CSAD: variants seen among roughly 807,000 people sequenced by gnomAD.
CSAD encodes P-selectin cytoplasmic tail-associated protein.
A neutral mutation model predicts 61.5 loss-of-function variants in CSAD; 47 were observed. The ratio of observed to expected loss-of-function variants is 0.76; its 90% confidence interval spans 0.60 to 0.97. The LOEUF (loss-of-function observed/expected upper bound fraction) is 0.97. Ranked by LOEUF, CSAD falls within the 50% of genes least tolerant of loss-of-function variation. The pLI is 0.00. For missense variants in CSAD, 611 were observed against 643.6 expected, an observed-to-expected ratio of 0.95 and a Z score of 0.55; for synonymous variants, 245 against 252.7, an observed-to-expected ratio of 0.97 and a Z score of 0.29.
intron 13 of CSAD, 40 bp downstream of exon 13, chr12:53,160,723 G>C: frequency 6.7e-7 from 1 of 1,500,092 alleles, no homozygotes. Context: ...CAGAGCTCCA[G>C]AGAGAGGTGG....
Position 53,180,496 on chromosome 12 carries a change from C to T in CSAD, c.-91+236G>A, listed in dbSNP as rs1941500962. 47 of 1,236,982 alleles carry T rather than the reference C, an allele frequency of 3.8e-5. 1 individual carries two copies. In the South Asian group the frequency reaches 5.6e-4, roughly 15 times the overall value. 76.6% of individuals were successfully genotyped at this position (1,236,982 alleles called of 1,614,324 possible). On this transcript the variant is annotated intron_variant, in intron 1 of 16. Transcript: ENST00000444623. Reference sequence around the variant, plus strand: ...TCTCGATGGCGGCCGGGGCGCGCCCCGGCCACGGCGCACGCGCCGGCCTCA... The same window carrying T: ...TCTCGATGGCGGCCGGGGCGCGCCCTGGCCACGGCGCACGCGCCGGCCTCA...
chr12:53,160,371 C>A lies in CSAD; in HGVS notation c.967-52G>T, dbSNP rs1237515320. 7 of 1,564,410 alleles carry A rather than the reference C, an allele frequency of 4.5e-6. No homozygotes were observed. In the South Asian group the frequency reaches 7.8e-5, roughly 17 times the overall value. ...ACCCTACCCTCTCCACCGAGGCTTT[C>A]CTCCAGGGCTGCACTGTGGGGGTCT... On this transcript the variant is annotated intron_variant, in intron 13 of 16. Transcript: ENST00000444623.
At chr12:53,180,544 G>T in intron 1 of CSAD, 188 bp downstream of exon 1, 1 of 1,278,374 alleles carries the variant, frequency 7.8e-7, no homozygotes, top group Non-Finnish European at 1.0e-6. Flanking sequence ...CCATGCCCTC[G>T]GCGCACGGCG....
intron 10 of CSAD, chr12:53,164,239 A>G (rs1230665912): frequency 1.3e-5 from 2 of 155,400 alleles, no homozygotes; most frequent in Middle Eastern, 5.2e-4. Flanking sequence ...GAAAAAACAG[A>G]TAAATTGGAC....
chr12:53,163,213 C>A (rs1233446581), intron 10 of CSAD, among the ~76,000 whole-genome samples: 1 of 152,074 alleles, frequency 6.6e-6, no homozygotes, highest in Non-Finnish European at 1.5e-5. Flanking sequence ...ACAGCCTGGT[C>A]AACAGAGTGA....
chr12:53,180,116 C>T (rs1316509850), intron 1 of CSAD: 1 of 1,323,680 alleles, frequency 7.6e-7, no homozygotes, highest in East Asian at 3.2e-5. Flanking sequence ...AGCAGTGTGG[C>T]CAAGGGCTAC....
chr12:53,159,905 C>T lies in CSAD; in HGVS notation c.1200G>A (p.Gly400=), dbSNP rs777774766. The T allele has an allele frequency of 9.4e-6, 15 of 1,603,040 alleles. No individual in the cohort carries two copies. In the Admixed American group the frequency reaches 2.6e-4, roughly 27 times the overall value. The change falls in exon 15 of 17, where the codon GGG becomes GGA. Residue 400 remains glycine (G), a synonymous_variant. Coordinates refer to ENST00000444623, the MANE Select transcript of CSAD (RefSeq NM_001244705.2). ...YLVEEMKKRE[G]FELVMEPEFV... is the part of the protein sequence containing the mutation. ...GTCCTACCTCCATGACTAGCTCAAA[C>T]CCTTCCCGCTTCTTCATTTCCTCCA...
chr12:53,180,104 T>C (rs1941450876), intron 1 of CSAD: 3 of 1,354,914 alleles, frequency 2.2e-6, no homozygotes, highest in Non-Finnish European at 2.8e-6. Flanking sequence ...TGCAGGGAGG[T>C]GAGCAGTGTG....
At chr12:53,172,324 A>T (rs1457215590) in intron 6 of CSAD, 22 bp downstream of exon 6, 1 of 1,603,912 alleles carries the variant, frequency 6.2e-7, no homozygotes, top group African/African-American at 1.3e-5. Context: ...GTGGGATGGT[A>T]GAGGGGCCTT....
At chr12:53,159,856 GC>G in intron 15 of CSAD, 30 bp downstream of exon 15, 2 of 1,573,748 alleles carry the variant, frequency 1.3e-6, no homozygotes, top group Non-Finnish European at 1.7e-6. Context: ...CTAGGCTGGG[GC>G]AGGGGCCACA....
intron 1 of CSAD, chr12:53,179,891 C>A: frequency 6.2e-7 from 1 of 1,610,852 alleles, no homozygotes; most frequent in Non-Finnish European, 8.5e-7. Context: ...AATTTGAAGA[C>A]AGTCTGGTTT....
intron 2 of CSAD, among the ~76,000 whole-genome samples, chr12:53,177,257 T>A (rs560190610): frequency 1.1e-4 from 16 of 152,202 alleles, no homozygotes; most frequent in Non-Finnish European, 1.8e-4. Flanking sequence ...AAAATCTTAG[T>A]TTTAATAGTA....
chr12:53,165,118 T>C (rs1020250741), intron 10 of CSAD, among the ~76,000 whole-genome samples: 1 of 152,100 alleles, frequency 6.6e-6, no homozygotes, highest in Admixed American at 6.5e-5. Flanking sequence ...CTAGGAGTTT[T>C]GAGACCAGCC....
rs994671096 is a variant in CSAD, at chr12:53,160,132, A to G, written c.1154T>C (p.Phe385Ser). The G allele has an allele frequency of 6.2e-7, 1 of 1,613,406 alleles. No homozygotes were observed. The highest frequency in any genetic ancestry group is 8.5e-7 in the Non-Finnish European group (1 of 1,180,010). Residue 385 changes from phenylalanine to serine, a missense_variant, in exon 14 of 17, where the codon TTT (phenylalanine) becomes TCT (serine). Phe to Ser is a radical substitution (Grantham distance 155, BLOSUM62 -2). Coordinates refer to ENST00000444623, the MANE Select transcript of CSAD (RefSeq NM_001244705.2). The part of the protein sequence containing the change: ...QGLERRIDQA[F>S]VLARYLVEEM... ...TCCTCCCGCCTACCGGGCAAGGACAAAGGCCTGGTCGATGCGCCGCTCCAG... is the reference window on the plus strand; with the variant it reads ...TCCTCCCGCCTACCGGGCAAGGACAGAGGCCTGGTCGATGCGCCGCTCCAG...
chr12:53,171,924 C>A lies in CSAD; in HGVS notation c.409G>T (p.Ala137Ser). The A allele has an allele frequency of 1.9e-6, 3 of 1,614,052 alleles. No homozygotes were observed. The highest frequency in any genetic ancestry group is 2.5e-6 in the Non-Finnish European group (3 of 1,179,956). The change falls in exon 7 of 17, where the codon GCC becomes TCC. Residue 137 changes from alanine (A) to serine (S), a missense_variant. Physicochemically the swap from Ala to Ser is moderately conservative, Grantham distance 99. Transcript: ENST00000444623. Reference protein sequence around the residue: ...MEEEVLRKLRALVGWSSGDGI... With the variant: ...MEEEVLRKLRSLVGWSSGDGI... ...TCCCCAGAGCTCCAGCCCACCAGGG[C>A]CCGCAGTTTCCTCAGCACCTCCTCT...
At chr12:53,159,790 C>A (rs1483133172) in intron 15 of CSAD, 78 bp from the exon 16 acceptor site, 4 of 1,527,834 alleles carry the variant, frequency 2.6e-6, no homozygotes, top group Non-Finnish European at 3.6e-6. Flanking sequence ...TTTCCCCTCT[C>A]CCTGCCCTTT....
At chr12:53,180,730 G>A, upstream of CSAD, 1 of 1,264,726 alleles carries the variant, frequency 7.9e-7, no homozygotes, top group African/African-American at 1.6e-5. Flanking sequence ...TTGTAAACTT[G>A]CCTCGGTCCC....
rs924695716 is a variant in CSAD, at chr12:53,177,669, G to A, written c.-50+1433C>T. ...TATTTATTTTTTGAGACAGAGTTTC[G>A]CTCTTGTTGCCCAGGCTGGAGTGCA... On this transcript the variant is annotated intron_variant, in intron 2 of 16. Coordinates refer to ENST00000444623, the MANE Select transcript of CSAD (RefSeq NM_001244705.2). Among the ~76,000 whole-genome samples the A allele has an allele frequency of 2.0e-5, 3 of 151,892 alleles. No individual in the cohort carries two copies. The East Asian group carries it at 5.8e-4, about 29-fold the overall frequency.
chr12:53,161,612 AAAGC>A (rs1939290214), intron 10 of CSAD, among the ~76,000 whole-genome samples: 1 of 151,970 alleles, frequency 6.6e-6, no homozygotes, highest in Non-Finnish European at 1.5e-5. Flanking sequence ...TTTCATTTCC[AAAGC>A]TCATACTCTC....
Sources: gnomAD v4.1 joint callset for allele counts (sites outside exome capture counted in the v4.1 genomes callset) on GRCh38, gnomAD v4.1.1 for gene constraint, MANE v1.5 for transcripts, NCBI Gene and HGNC (gene_info 2026-07-23, HGNC 2026-07-21) for gene names.